Variants in CSMD1 observed in about 807,000 individuals in gnomAD.
CSMD1 encodes CUB and Sushi multiple domains 1, also known as CUB and sushi domain-containing protein 1.
Under a neutral mutation model 417.5 loss-of-function variants are expected in CSMD1, and 213 were observed. The ratio of observed to expected loss-of-function variants is 0.51; its 90% confidence interval spans 0.46 to 0.57. CSMD1 has a LOEUF of 0.57. Ranked by LOEUF, CSMD1 falls within the 20% of genes least tolerant of loss-of-function variation. CSMD1 has a pLI of 0.00. For missense variants in CSMD1, 6,923 were observed against 4,529.7 expected (o/e 1.53, Z -15.17); for synonymous variants, 2,862 against 1,736.8 (o/e 1.65, Z -16.11).
chr8:4,853,612 G>A (rs76563738), intron 1 of CSMD1, among the ~76,000 whole-genome samples: 1 of 152,182 alleles, frequency 6.6e-6, no homozygotes, highest in African/African-American at 2.4e-5. Flanking sequence ...AGTGCCAAAG[G>A]GAAATGTGGC....
chr8:3,728,405 G>T (rs1378897865), intron 6 of CSMD1, among the ~76,000 whole-genome samples: 2 of 152,192 alleles, frequency 1.3e-5, no homozygotes, highest in Non-Finnish European at 2.9e-5. Flanking sequence ...TTTATCAGCA[G>T]CATGAAAACA....
At chr8:3,999,864 C>T (rs1005198149) in intron 4 of CSMD1, among the ~76,000 whole-genome samples, 19 of 152,076 alleles carry the variant, frequency 1.2e-4, no homozygotes, top group African/African-American at 4.3e-4. Flanking sequence ...AAGCACGTGA[C>T]GTTGTGGAAA....
At chr8:3,607,338 T>C (rs990825673) in intron 8 of CSMD1, among the ~76,000 whole-genome samples, 2 of 152,214 alleles carry the variant, frequency 1.3e-5, no homozygotes, top group Non-Finnish European at 2.9e-5. Flanking sequence ...GGATACCACC[T>C]GAAGGACCTG....
chr8:4,039,540 G>C (rs535314323), intron 3 of CSMD1, among the ~76,000 whole-genome samples: 2 of 152,150 alleles, frequency 1.3e-5, no homozygotes, highest in African/African-American at 2.4e-5. Flanking sequence ...TATGACAAAA[G>C]CAATGAGGAC....
chr8:4,169,947 G>C (rs529258926), intron 3 of CSMD1, among the ~76,000 whole-genome samples: 14 of 149,850 alleles, frequency 9.3e-5, no homozygotes, highest in Non-Finnish European at 1.6e-4. Context: ...ATTTTGGCTT[G>C]CGTGTGTGTT....
At position 3,182,761 on chromosome 8, in the gene CSMD1, G is replaced by C. The variant is rs1277714841; in HGVS notation, c.5621-1547C>G. On this transcript the variant is annotated intron_variant, in intron 36 of 69. Coordinates refer to ENST00000635120, the MANE Select transcript of CSMD1 (RefSeq NM_033225.6). Reference sequence around the variant, plus strand: ...TTTATAAGAAGCTCTGTGTGTGTGTGTGTGTGTATTGTTAGAGAAGTGGTT... The same window carrying C: ...TTTATAAGAAGCTCTGTGTGTGTGTCTGTGTGTATTGTTAGAGAAGTGGTT... 9.3e-5 allele frequency among the ~76,000 whole-genome samples: 13 copies of C among 140,422 alleles called. 1 individual carries two copies. The highest frequency in any genetic ancestry group is 2.8e-4 in the African/African-American group (10 of 35,372). The allele number at this position is 140,422 out of a possible 152,430, so 92.1% of individuals were successfully genotyped here.
chr8:3,872,412 T>C (rs969692592), intron 5 of CSMD1, among the ~76,000 whole-genome samples: 1 of 152,148 alleles, frequency 6.6e-6, no homozygotes, highest in East Asian at 1.9e-4. Context: ...ACTACCTTCC[T>C]GAAGTGTCCA....
At chr8:4,924,380 A>T (rs1027337870) in intron 1 of CSMD1, among the ~76,000 whole-genome samples, 20 of 152,350 alleles carry the variant, frequency 1.3e-4, no homozygotes, top group African/African-American at 4.8e-4. Context: ...ATTGAATTAA[A>T]AACCATCTAT....
chr8:4,618,714 T>C (rs1049318051), intron 2 of CSMD1, among the ~76,000 whole-genome samples: 1 of 152,170 alleles, frequency 6.6e-6, no homozygotes, highest in South Asian at 2.1e-4. Context: ...ACGTGATGCA[T>C]GGACCTTCTG....
At chr8:3,661,372 G>T (rs913992104) in intron 7 of CSMD1, among the ~76,000 whole-genome samples, 4 of 151,752 alleles carry the variant, frequency 2.6e-5, no homozygotes, top group Non-Finnish European at 5.9e-5. Flanking sequence ...GCAGATTTCT[G>T]TATGTTACTT....
chr8:3,673,586 C>G (rs962292655), intron 7 of CSMD1, among the ~76,000 whole-genome samples: 1 of 152,172 alleles, frequency 6.6e-6, no homozygotes, highest in Non-Finnish European at 1.5e-5. Context: ...ATACTTGATT[C>G]AGAGCTAATT....
chr8:4,153,552 C>T (rs1440318210), intron 3 of CSMD1, among the ~76,000 whole-genome samples: 1 of 152,194 alleles, frequency 6.6e-6, no homozygotes, highest in Non-Finnish European at 1.5e-5. Context: ...CAGCAGCGGC[C>T]TCCACGCAAT....
chr8:4,556,248 G>C (rs1026493386), intron 2 of CSMD1, among the ~76,000 whole-genome samples: 18 of 152,216 alleles, frequency 1.2e-4, no homozygotes, highest in Middle Eastern at 3.4e-3. Flanking sequence ...CCAGGAAAAT[G>C]AAAGTTATTT....
At chr8:3,626,440 T>G (rs978975153) in intron 7 of CSMD1, among the ~76,000 whole-genome samples, 1 of 152,172 alleles carries the variant, frequency 6.6e-6, no homozygotes, top group African/African-American at 2.4e-5. Flanking sequence ...GCCAGCAACT[T>G]AAAAATGTGG....
rs552214694 is a variant in CSMD1 at position 2,963,303 on chromosome 8, C to T, written c.9373G>A (p.Asp3125Asn). ...GCGGAGTGAGAGAGCTGGTAACCGTCCATGCAGCTGTAACTTATGCTGGAG... is the reference window on the plus strand; with the variant it reads ...GCGGAGTGAGAGAGCTGGTAACCGTTCATGCAGCTGTAACTTATGCTGGAG... ...WGSSISYSCM[D>N]GYQLSHSAIL... The change falls in exon 60 of 70, where the codon GAC (aspartate) becomes AAC (asparagine). Residue 3125 changes from aspartate to asparagine, a missense_variant. Physicochemically the swap from Asp to Asn is conservative, Grantham distance 23 (BLOSUM62 1). Transcript: ENST00000635120. 13 of 1,613,838 alleles carry T rather than the reference C, an allele frequency of 8.1e-6. No homozygotes were observed. The highest frequency in any genetic ancestry group is 1.1e-5 in the Non-Finnish European group (13 of 1,179,886).
chr8:4,701,451 G>A (rs1006858455), intron 1 of CSMD1, among the ~76,000 whole-genome samples: 2 of 151,938 alleles, frequency 1.3e-5, no homozygotes, highest in Non-Finnish European at 2.9e-5. Context: ...CTGATGGGGA[G>A]GGGCCATGCA....
chr8:4,028,005 G>C (rs962082860), intron 4 of CSMD1, among the ~76,000 whole-genome samples: 3 of 152,128 alleles, frequency 2.0e-5, no homozygotes, highest in South Asian at 2.1e-4. Context: ...AATTAATTGA[G>C]AACAGTCTGT....
At chr8:4,992,068 A>G (rs755690247) in intron 1 of CSMD1, among the ~76,000 whole-genome samples, 9 of 152,132 alleles carry the variant, frequency 5.9e-5, no homozygotes, top group Non-Finnish European at 4.4e-5. Flanking sequence ...CTCGGCTTCT[A>G]CAGCCAGGTT....
At chr8:3,466,240 G>T (rs527910185) in intron 12 of CSMD1, among the ~76,000 whole-genome samples, 1 of 151,566 alleles carries the variant, frequency 6.6e-6, no homozygotes, top group African/African-American at 2.4e-5. Context: ...TACACAAAGG[G>T]TTTAAATAAC....
Sources: allele counts gnomAD v4.1 joint callset (sites outside exome capture counted in the v4.1 genomes callset), GRCh38; gene constraint gnomAD v4.1.1; transcripts MANE v1.5; gene names NCBI Gene and HGNC (gene_info 2026-07-23, HGNC 2026-07-21).